The following SMC1B variants were observed in gnomAD, a reference collection of about 807,000 sequenced individuals.
The protein encoded by SMC1B is structural maintenance of chromosomes 1B, also known as structural maintenance of chromosomes protein 1B.
SMC1B carries 60 observed loss-of-function variants against 157.9 expected under a neutral mutation model. The ratio of observed to expected loss-of-function variants is 0.38; its 90% CI spans 0.31 to 0.47. The LOEUF (loss-of-function observed/expected upper bound fraction) is 0.47. Among genes scored for constraint, SMC1B ranks in the 20% least tolerant of loss-of-function variants. The probability of loss-of-function intolerance (pLI) is 0.99; values close to 1 mark genes in which losing one functional copy is unlikely to be tolerated. For synonymous variants in SMC1B, 445 were observed against 483.0 expected (o/e 0.92, Z 1.03); for missense variants, 1,165 against 1,426.2 (o/e 0.82, Z 2.95).
At chr22:45,352,414 C>T in intron 22 of SMC1B, 37 bp downstream of exon 22, 3 of 1,588,948 alleles carry the variant, frequency 1.9e-6, no homozygotes, top group Non-Finnish European at 2.6e-6. Flanking sequence ...TTGGCTTCTG[C>T]CCTGATATGA....
intron 12 of SMC1B, among the ~76,000 whole-genome samples, chr22:45,377,773 T>C (rs959325585): frequency 6.6e-6 from 1 of 152,086 alleles, no homozygotes; most frequent in Admixed American, 6.6e-5. Context: ...TGGGCTCAAG[T>C]GATCCTCCTG....
intron 17 of SMC1B, among the ~76,000 whole-genome samples, chr22:45,360,330 T>C (rs982151458): frequency 3.3e-5 from 5 of 152,188 alleles, no homozygotes; most frequent in African/African-American, 1.2e-4. Context: ...TAATCTGTTT[T>C]CCTTGCTACC....
At chr22:45,355,792 G>A (rs886658142) in intron 19 of SMC1B, among the ~76,000 whole-genome samples, 11 of 152,182 alleles carry the variant, frequency 7.2e-5, no homozygotes, top group African/African-American at 2.2e-4. Context: ...AAAGTAGGCC[G>A]TGTGTGGTGG....
At position 45,372,139 on chromosome 22, in the gene SMC1B, T is replaced by C. The variant is rs768579534; in HGVS notation, c.2196+16A>G. 8 of 1,578,912 alleles carry C rather than the reference T, an allele frequency of 5.1e-6. No individual in the cohort carries two copies. The Admixed American group carries it at 7.6e-5, about 15-fold the overall frequency. The stretch of plus-strand genomic sequence containing the variant: ...TGGGTCAAATGCCTATCATATTTTA[T>C]GTAAGTCTATATTACCTGGTAAAAA... On this transcript the variant is annotated intron_variant, in intron 13 of 24. Coordinates refer to ENST00000357450, the MANE Select transcript of SMC1B (RefSeq NM_148674.5).
chr22:45,352,421 A>G (rs2086624277), intron 22 of SMC1B, 30 bp downstream of exon 22: 3 of 1,597,930 alleles, frequency 1.9e-6, no homozygotes. Flanking sequence ...CTGCCCTGAT[A>G]TGAAAACTGA....
chr22:45,406,538 T>C lies in SMC1B; in HGVS notation c.537A>G (p.Glu179=), dbSNP rs759693874. 117 of 1,613,226 alleles carry C rather than the reference T, an allele frequency of 7.3e-5. No homozygotes were observed. The highest frequency in any genetic ancestry group is 9.4e-5 in the Non-Finnish European group (111 of 1,179,938). Residue 179 remains glutamate (E), a synonymous_variant, in exon 4 of 25, where the codon GAA becomes GAG. Transcript: ENST00000357450. ...TATTAAAGTTAAACTGTGCATCCTC[T>C]TCGGCTTTTTGTAACTTTCTTTTCT... ...EEKKRKLQKA[E]EDAQFNFNKK...
chr22:45,381,430 C>T (rs1230449694), intron 12 of SMC1B, among the ~76,000 whole-genome samples: 1 of 152,108 alleles, frequency 6.6e-6, no homozygotes, highest in East Asian at 1.9e-4. Flanking sequence ...CTCTTCCAAA[C>T]TCAGGAATAG....
At chr22:45,382,778 G>C (rs900406587) in intron 12 of SMC1B, among the ~76,000 whole-genome samples, 2 of 152,124 alleles carry the variant, frequency 1.3e-5, no homozygotes, top group Non-Finnish European at 2.9e-5. Context: ...GTTCACAGAA[G>C]GAAAAATTAC....
chr22:45,355,827 T>G (rs2086664546), intron 19 of SMC1B, among the ~76,000 whole-genome samples: 1 of 152,336 alleles, frequency 6.6e-6, no homozygotes, highest in East Asian at 1.9e-4. Flanking sequence ...CCCAGCACTT[T>G]GGGAGGCCAA....
In SMC1B at chr22:45,399,121, G is replaced by A. The variant is rs769894807; in HGVS notation, c.1087C>T (p.Arg363Ter). The A allele has an allele frequency of 3.1e-6, 5 of 1,613,046 alleles. No homozygotes were observed. Among genetic ancestry groups the A allele is most frequent in the Non-Finnish European group, 4.2e-6 (5 of 1,179,788 alleles). ...TGACTGGCTTCCAGTTCAATGTCTC[G>A]CTTTTTATGTAAAATTTCTTCCTCA... ...QIEEEILHKK[R>*]DIELEASQLD... Residue 363 changes from arginine (R) to a stop codon, truncating the protein, a stop_gained, in exon 6 of 25, where the codon CGA (arginine) becomes TGA (stop). Transcript: ENST00000357450. LOFTEE classifies it high-confidence loss of function.
At chr22:45,346,852 T>C (rs1448123662) in intron 23 of SMC1B, among the ~76,000 whole-genome samples, 2 of 152,194 alleles carry the variant, frequency 1.3e-5, no homozygotes, top group Admixed American at 6.5e-5. Context: ...ACTACATAAC[T>C]GCTCATACTC....
chr22:45,352,401 C>G (rs1240805825), intron 22 of SMC1B, 50 bp downstream of exon 22: 7 of 1,538,752 alleles, frequency 4.5e-6, no homozygotes, highest in African/African-American at 1.4e-5. Flanking sequence ...TAGGAAGGTC[C>G]CCTTGGCTTC....
intron 12 of SMC1B, among the ~76,000 whole-genome samples, chr22:45,382,260 CAA>C (rs1215253557): frequency 6.6e-6 from 1 of 152,068 alleles, no homozygotes; most frequent in African/African-American, 2.4e-5. Flanking sequence ...ACAAAAAGAA[CAA>C]AGTCAATGTG....
At chr22:45,358,402 C>T (rs1463768424) in intron 19 of SMC1B, among the ~76,000 whole-genome samples, 1 of 152,090 alleles carries the variant, frequency 6.6e-6, no homozygotes, top group East Asian at 1.9e-4. Context: ...GGGACTGAGC[C>T]ATTACTTTGT....
At chr22:45,364,621 G>A (rs1333002648) in intron 15 of SMC1B, among the ~76,000 whole-genome samples, 3 of 152,094 alleles carry the variant, frequency 2.0e-5, no homozygotes, top group Admixed American at 6.5e-5. Context: ...CTCTTAATCC[G>A]TGACCACACT....
At position 45,406,749 on chromosome 22, in the gene SMC1B, T is replaced by G. The variant is rs1314899854; in HGVS notation, c.411+4A>C. On this transcript the variant is annotated splice_donor_region_variant and intron_variant, in intron 3 of 24. Transcript: ENST00000357450. ...GAATCAAATAAACTACTATAGCTAC[T>G]TACCTGAAAAACCAAACAATTTTGT... The G allele has an allele frequency of 2.5e-6, 4 of 1,588,468 alleles. No individual in the cohort carries two copies. Among genetic ancestry groups the G allele is most frequent in the East Asian group, 4.5e-5 (2 of 44,722 alleles).
intron 1 of SMC1B, among the ~76,000 whole-genome samples, 155 bp from the exon 2 acceptor site, chr22:45,409,053 T>A (rs2087298102): frequency 6.6e-6 from 1 of 152,252 alleles, no homozygotes; most frequent in Non-Finnish European, 1.5e-5. Flanking sequence ...ATATTTGATG[T>A]AGATAACTCA....
chr22:45,384,451 C>CA (rs2086970253), intron 11 of SMC1B, among the ~76,000 whole-genome samples: 1 of 152,014 alleles, frequency 6.6e-6, no homozygotes, highest in African/African-American at 2.4e-5. Context: ...TTTCCCAGGC[C>CA]AGGAGTGGTG....
intron 13 of SMC1B, 108 bp downstream of exon 13, chr22:45,372,047 G>GA (rs879487903): frequency 0.073 from 53,596 of 729,836 alleles, 1 homozygote; most frequent in Middle Eastern, 0.085. Context: ...TCTGTCTCAG[G>GA]AAAAAAAAAA....
Sources: allele counts gnomAD v4.1 joint callset (sites outside exome capture counted in the v4.1 genomes callset), GRCh38; gene constraint gnomAD v4.1.1; transcripts MANE v1.5; gene names NCBI Gene and HGNC (gene_info 2026-07-23, HGNC 2026-07-21).